Variants in MCUB observed in about 807,000 individuals in gnomAD.
MCUB encodes the protein mitochondrial calcium uniporter dominant negative subunit beta, also known as calcium uniporter regulatory subunit MCUb, mitochondrial.
MCUB carries 46 observed loss-of-function variants against 41.4 expected under a neutral mutation model. That is an observed-to-expected ratio of 1.11 (90% confidence interval 0.88 to 1.42). The LOEUF is 1.42. Among genes scored for constraint, MCUB ranks in the 40% most tolerant of loss-of-function variants. The pLI, the probability that MCUB is intolerant of heterozygous loss-of-function variation, is 0.00. For missense variants in MCUB, 403 were observed against 404.9 expected (o/e 1.00, Z 0.04); for synonymous variants, 148 against 148.2 (o/e 1.00, Z 0.01).
intron 1 of MCUB, among the ~76,000 whole-genome samples, chr4:109,593,457 CAG>C (rs1320432059): frequency 1.3e-5 from 2 of 152,214 alleles, no homozygotes; most frequent in African/African-American, 2.4e-5. Context: ...ATGTCTAAGA[CAG>C]AGTGATTCAG....
intron 1 of MCUB, among the ~76,000 whole-genome samples, chr4:109,642,459 A>G (rs1728740828): frequency 6.6e-6 from 1 of 152,118 alleles, no homozygotes; most frequent in East Asian, 1.9e-4. Flanking sequence ...TTATATTTAG[A>G]AGTAATTGTT....
At chr4:109,561,154 C>G (rs906003973) in intron 1 of MCUB, 6 of 152,492 alleles carry the variant, frequency 3.9e-5, no homozygotes, top group African/African-American at 9.7e-5. Context: ...TGCGATGGAG[C>G]CTGACAGGAG....
intron 1 of MCUB, among the ~76,000 whole-genome samples, chr4:109,611,095 T>C (rs775959211): frequency 1.3e-5 from 2 of 150,188 alleles, no homozygotes; most frequent in Non-Finnish European, 2.9e-5. Context: ...TCCTTTGAGA[T>C]AGGATAAGAA....
chr4:109,577,204 A>C (rs1023738942), intron 1 of MCUB, among the ~76,000 whole-genome samples: 12 of 152,298 alleles, frequency 7.9e-5, no homozygotes, highest in Admixed American at 6.5e-4. Context: ...ATATTATTAA[A>C]ACTGAAATGG....
intron 1 of MCUB, among the ~76,000 whole-genome samples, chr4:109,580,791 G>GTT (rs1727153116): frequency 6.6e-6 from 1 of 151,958 alleles, no homozygotes; most frequent in African/African-American, 2.4e-5. Flanking sequence ...TTGTCAGATG[G>GTT]GTACATTGTA....
Position 109,622,544 on chromosome 4 carries a change from C to T in MCUB, c.100-36467C>T, listed in dbSNP as rs184314701. On this transcript the variant is annotated intron_variant, in intron 1 of 7. Coordinates refer to ENST00000394650, the MANE Select transcript of MCUB (RefSeq NM_017918.5). ...GCAATTCTGGACTGCAAGGATGTTT[C>T]GTTTCTTTTAGAAATGTCAGTTTGA... is the stretch of plus-strand genomic sequence containing the variant. 5.1e-3 allele frequency among the ~76,000 whole-genome samples: 772 copies of T among 152,264 alleles called. 5 individuals are homozygous for T. The highest frequency in any genetic ancestry group is 8.1e-3 in the Non-Finnish European group (550 of 68,006).
intron 1 of MCUB, among the ~76,000 whole-genome samples, chr4:109,606,769 G>A (rs1293818624): frequency 1.3e-5 from 2 of 152,082 alleles, no homozygotes; most frequent in Non-Finnish European, 2.9e-5. Flanking sequence ...TGTGTGAAAT[G>A]GAATTTCACT....
chr4:109,619,191 T>TCAGCCTCCC (rs1015324686), intron 1 of MCUB, among the ~76,000 whole-genome samples: 22 of 152,182 alleles, frequency 1.4e-4, no homozygotes, highest in African/African-American at 5.3e-4. Context: ...CTCAGCCTCC[T>TCAGCCTCCC]CAGCCTCCCG....
At chr4:109,648,608 T>C (rs1208732215) in intron 1 of MCUB, 3 of 444,352 alleles carry the variant, frequency 6.8e-6, no homozygotes, top group Non-Finnish European at 1.3e-5. Flanking sequence ...TAGTCTGTGC[T>C]ACAAAATGCA....
At chr4:109,634,069 G>T (rs1488070430) in intron 1 of MCUB, among the ~76,000 whole-genome samples, 2 of 152,116 alleles carry the variant, frequency 1.3e-5, no homozygotes, top group African/African-American at 4.8e-5. Flanking sequence ...TCCAGATTTA[G>T]CTGAGAATCT....
At chr4:109,630,316 G>A (rs1321621098) in intron 1 of MCUB, among the ~76,000 whole-genome samples, 1 of 152,030 alleles carries the variant, frequency 6.6e-6, no homozygotes. Flanking sequence ...ATAAAAAACA[G>A]CCAGATTTCG....
In MCUB at chr4:109,664,385, C is replaced by A; in HGVS notation, c.442C>A (p.Pro148Thr). Residue 148 changes from proline (P) to threonine (T), a missense_variant, in exon 4 of 8, where the codon CCA becomes ACA. By Grantham distance (38) the Pro-to-Thr change is conservative (BLOSUM62 -1). Coordinates refer to ENST00000394650, the MANE Select transcript of MCUB (RefSeq NM_017918.5). ...INKIAYDVQCPKREKPSNEHT... is the reference protein window; with the variant it reads ...INKIAYDVQCTKREKPSNEHT... ...TAAAATAGCATATGATGTGCAGTGT[C>A]CAAAGAGAGGTAAGAAACACAGCTA... The A allele has an allele frequency of 2.2e-6, 3 of 1,358,644 alleles. No homozygotes were observed. The highest frequency in any genetic ancestry group is 3.1e-6 in the Non-Finnish European group (3 of 953,018). 84.2% of individuals were successfully genotyped at this position (1,358,644 alleles called of 1,614,324 possible).
chr4:109,669,576 G>A (rs891949588), intron 4 of MCUB, among the ~76,000 whole-genome samples: 1 of 151,900 alleles, frequency 6.6e-6, no homozygotes, highest in South Asian at 2.1e-4. Context: ...AGTTTGGGGG[G>A]AGTTCTCAGT....
At chr4:109,577,961 A>G (rs140331218) in intron 1 of MCUB, among the ~76,000 whole-genome samples, 110 of 152,304 alleles carry the variant, frequency 7.2e-4, no homozygotes, top group African/African-American at 2.6e-3. Context: ...AAGGGACCAC[A>G]AAAGTGACCT....
At chr4:109,597,397 G>A (rs1727587421) in intron 1 of MCUB, among the ~76,000 whole-genome samples, 1 of 147,980 alleles carries the variant, frequency 6.8e-6, no homozygotes, top group Non-Finnish European at 1.5e-5. Flanking sequence ...CGGGGCGGCT[G>A]GCCGGGCGGG....
intron 1 of MCUB, among the ~76,000 whole-genome samples, chr4:109,630,025 AC>A (rs1462482259): frequency 1.3e-5 from 2 of 152,212 alleles, no homozygotes; most frequent in Non-Finnish European, 2.9e-5. Flanking sequence ...ATCGGTCAAC[AC>A]ATTAGCATAT....
intron 1 of MCUB, among the ~76,000 whole-genome samples, chr4:109,570,317 G>C (rs1272363817): frequency 1.3e-5 from 2 of 152,162 alleles, no homozygotes; most frequent in African/African-American, 2.4e-5. Context: ...CTTTGGGAAT[G>C]TATATCTTTG....
At chr4:109,648,223 AG>A (rs869135119) in intron 1 of MCUB, among the ~76,000 whole-genome samples, 3 of 14,792 alleles carry the variant, frequency 2.0e-4, no homozygotes. Flanking sequence ...ATGGAAGGAA[AG>A]AGAGAGAGAA....
intron 4 of MCUB, among the ~76,000 whole-genome samples, chr4:109,674,577 G>T (rs1416376496): frequency 4.6e-5 from 7 of 152,276 alleles, no homozygotes; most frequent in Middle Eastern, 3.4e-3. Context: ...TCCAAAAAGT[G>T]CATGGAATAT....
Sources: allele counts gnomAD v4.1 joint callset (sites outside exome capture counted in the v4.1 genomes callset), GRCh38; gene constraint gnomAD v4.1.1; transcripts MANE v1.5; gene names NCBI Gene and HGNC (gene_info 2026-07-23, HGNC 2026-07-21).